The following MTNR1A variants were observed in gnomAD, a reference collection of about 807,000 sequenced individuals.
MTNR1A encodes melatonin receptor type 1A.
MTNR1A carries 7 observed loss-of-function variants against 5.5 expected under a neutral mutation model. That is an observed-to-expected ratio of 1.28 (90% CI 0.73 to 2.40). The LOEUF is 2.40. Among genes scored for constraint, MTNR1A ranks in the 30% most tolerant of loss-of-function variants. The pLI is 0.00. For synonymous variants in MTNR1A, 196 were observed against 202.7 expected, an observed-to-expected ratio of 0.97 and a Z score of 0.28; for missense variants, 441 against 464.4, an observed-to-expected ratio of 0.95 and a Z score of 0.46.
At chr4:186,538,275 T>C (rs575381802) in intron 1 of MTNR1A, among the ~76,000 whole-genome samples, 1 of 152,208 alleles carries the variant, frequency 6.6e-6, no homozygotes, top group South Asian at 2.1e-4. Context: ...GCACAGTGGG[T>C]TTATATTGTG....
At chr4:186,552,736 C>T (rs1000252876) in intron 1 of MTNR1A, among the ~76,000 whole-genome samples, 1 of 152,050 alleles carries the variant, frequency 6.6e-6, no homozygotes, top group African/African-American at 2.4e-5. Flanking sequence ...TTTAGCTTCA[C>T]TGATTTCTGA....
chr4:186,542,976 C>T (rs141799295), intron 1 of MTNR1A, among the ~76,000 whole-genome samples: 99 of 152,188 alleles, frequency 6.5e-4, no homozygotes, highest in African/African-American at 2.3e-3. Context: ...GTCTGTATTC[C>T]CAGTTACTCG....
intron 1 of MTNR1A, among the ~76,000 whole-genome samples, chr4:186,538,537 G>A (rs1736929660): frequency 6.6e-6 from 1 of 152,112 alleles, no homozygotes; most frequent in South Asian, 2.1e-4. Context: ...CTCCTGGCTT[G>A]AGATTCGACC....
Position 186,533,771 on chromosome 4 carries a change from G to C in MTNR1A, c.971C>G (p.Ser324Cys), listed in dbSNP as rs1466410656. 2 of 1,614,190 alleles carry C rather than the reference G, an allele frequency of 1.2e-6. No homozygotes were observed. Among genetic ancestry groups the C allele is most frequent in the East Asian group, 2.2e-5 (1 of 44,888 alleles). ...CTARVFFVDS[S>C]NDVADRVKWK... is the part of the protein sequence containing the mutation. Reference sequence around the variant, plus strand: ...TTTAACCCTATCGGCCACGTCGTTAGAGCTGTCCACAAAGAACACCCTGGC... The same window carrying C: ...TTTAACCCTATCGGCCACGTCGTTACAGCTGTCCACAAAGAACACCCTGGC... Residue 324 changes from serine (S) to cysteine (C), a missense_variant, in exon 2 of 2, where the codon TCT (serine) becomes TGT (cysteine). By Grantham distance (112) the Ser-to-Cys change is moderately radical. Transcript: ENST00000307161.
intron 1 of MTNR1A, among the ~76,000 whole-genome samples, chr4:186,545,418 G>C (rs1232301575): frequency 2.0e-5 from 3 of 152,134 alleles, no homozygotes; most frequent in Non-Finnish European, 2.9e-5. Context: ...GTCTCCCTCT[G>C]AGACTCAGGT....
At chr4:186,535,212 C>T (rs938719359) in intron 1 of MTNR1A, among the ~76,000 whole-genome samples, 6 of 152,082 alleles carry the variant, frequency 3.9e-5, no homozygotes, top group Non-Finnish European at 5.9e-5. Context: ...CTGTGGTGAG[C>T]GCCATGTACC....
intron 1 of MTNR1A, among the ~76,000 whole-genome samples, chr4:186,548,263 TTTTA>T (rs1305753413): frequency 6.6e-6 from 1 of 152,028 alleles, no homozygotes; most frequent in Non-Finnish European, 1.5e-5. Flanking sequence ...CAAAAGAGAG[TTTTA>T]TTAAAAATGG....
chr4:186,548,346 C>T (rs544209541), intron 1 of MTNR1A, among the ~76,000 whole-genome samples: 19 of 152,130 alleles, frequency 1.2e-4, no homozygotes, highest in African/African-American at 4.3e-4. Flanking sequence ...GTTAACACTA[C>T]AAAAGTATAA....
chr4:186,539,891 T>C (rs60939091), intron 1 of MTNR1A, among the ~76,000 whole-genome samples: 4,791 of 152,306 alleles, frequency 0.031, 254 homozygotes, highest in African/African-American at 0.11. Flanking sequence ...AGGATCTCCA[T>C]AGACACCCAA....
At chr4:186,554,239 G>C (rs1331460418) in intron 1 of MTNR1A, among the ~76,000 whole-genome samples, 2 of 152,034 alleles carry the variant, frequency 1.3e-5, no homozygotes, top group Non-Finnish European at 2.9e-5. Context: ...GGGGGCGGGT[G>C]GGGGAGGCAG....
Position 186,544,989 on chromosome 4 carries a change from G to C in MTNR1A, c.184+10193C>G, listed in dbSNP as rs1301626577. ...CAACTCCACTGGATTTACGCCCAGA[G>C]GCCCCAACTTATGGATGAGGCCAAG... On this transcript the variant is annotated intron_variant, in intron 1 of 1. Transcript: ENST00000307161. 2.6e-5 allele frequency among the ~76,000 whole-genome samples: 4 copies of C among 152,102 alleles called. No individual in the cohort carries two copies. In the East Asian group the frequency reaches 5.8e-4, roughly 22 times the overall value.
intron 1 of MTNR1A, among the ~76,000 whole-genome samples, chr4:186,538,385 A>G (rs1183271524): frequency 6.6e-6 from 1 of 152,234 alleles, no homozygotes; most frequent in Admixed American, 6.5e-5. Context: ...GAAGTGCAGC[A>G]GTAGCTTGCT....
intron 1 of MTNR1A, among the ~76,000 whole-genome samples, chr4:186,542,790 C>A (rs1737055379): frequency 6.6e-6 from 1 of 152,132 alleles, no homozygotes; most frequent in East Asian, 1.9e-4. Context: ...AATGCTTCCA[C>A]CAGGAGATAC....
chr4:186,534,146 G>C lies in MTNR1A; in HGVS notation c.596C>G (p.Pro199Arg). Residue 199 changes from proline (P) to arginine (R), a missense_variant, in exon 2 of 2, where the codon CCC becomes CGC. By Grantham distance (103) the Pro-to-Arg change is moderately radical. Transcript: ENST00000307161. ...GTAACAGAAGATGACTATGATCATG[G>C]GGACGAGGAAGTGGAAAACCACCAC... ...IAVVVFHFLVPMIIVIFCYLR... is the reference protein window; with the variant it reads ...IAVVVFHFLVRMIIVIFCYLR... The C allele has an allele frequency of 6.2e-7, 1 of 1,613,654 alleles. No individual in the cohort carries two copies. Among genetic ancestry groups the C allele is most frequent in the Admixed American group, 1.7e-5 (1 of 59,986 alleles).
At chr4:186,552,541 C>A (rs1737285447) in intron 1 of MTNR1A, among the ~76,000 whole-genome samples, 1 of 152,198 alleles carries the variant, frequency 6.6e-6, no homozygotes, top group African/African-American at 2.4e-5. Flanking sequence ...TGATTTCCAG[C>A]AAACAGAGCA....
intron 1 of MTNR1A, among the ~76,000 whole-genome samples, chr4:186,536,946 C>T (rs1736868582): frequency 6.6e-6 from 1 of 152,158 alleles, no homozygotes; most frequent in Admixed American, 6.5e-5. Context: ...GTCATTGTAA[C>T]AGCACATTTG....
chr4:186,538,637 T>C (rs951618353), intron 1 of MTNR1A, among the ~76,000 whole-genome samples: 1 of 152,180 alleles, frequency 6.6e-6, no homozygotes, highest in Non-Finnish European at 1.5e-5. Flanking sequence ...ATCCGTGGAC[T>C]TTAGACAGCA....
intron 1 of MTNR1A, among the ~76,000 whole-genome samples, chr4:186,551,623 TGGA>T: frequency 6.6e-6 from 1 of 152,024 alleles, no homozygotes; most frequent in East Asian, 1.9e-4. Context: ...TATAGGTGGG[TGGA>T]TGGGTAGGTA....
intron 1 of MTNR1A, among the ~76,000 whole-genome samples, chr4:186,539,911 T>G (rs960623007): frequency 5.3e-5 from 8 of 152,218 alleles, no homozygotes; most frequent in Non-Finnish European, 1.0e-4. Flanking sequence ...AATTCATGGA[T>G]GCTTGTATTA....
Sources: allele counts gnomAD v4.1 joint callset (sites outside exome capture counted in the v4.1 genomes callset), GRCh38; gene constraint gnomAD v4.1.1; transcripts MANE v1.5; gene names NCBI Gene and HGNC (gene_info 2026-07-23, HGNC 2026-07-21).